The following MTMR10 variants were observed in gnomAD, a reference collection of about 807,000 sequenced individuals.
MTMR10 encodes myotubularin-related protein 10.
Under a neutral mutation model 88.1 loss-of-function variants are expected in MTMR10, and 56 were observed. The ratio of observed to expected loss-of-function variants is 0.64; its 90% CI spans 0.51 to 0.79. The LOEUF is 0.79. Ranked by LOEUF, MTMR10 falls within the 30% of genes least tolerant of loss-of-function variation. The pLI, the probability that MTMR10 is intolerant of heterozygous loss-of-function variation, is 0.00. For synonymous variants in MTMR10, 380 were observed against 340.9 expected (o/e 1.11, Z -1.26); for missense variants, 883 against 924.7 (o/e 0.95, Z 0.58).
In MTMR10 at chr15:30,941,647, G is replaced by A. The variant is rs747017109; in HGVS notation, c.2157C>T (p.Asn719=). The change falls in exon 16 of 16, where the codon AAC becomes AAT. Residue 719 remains asparagine, a synonymous_variant. Coordinates refer to ENST00000435680, the MANE Select transcript of MTMR10 (RefSeq NM_017762.3). ...GELGQSRMYF[N]ASGPHHTDTS... ...TGTCGGTGTGGTGAGGGCCGCTGGC[G>A]TTGAAGTACATCCTGCTCTGGCCCA... 93 of 1,611,292 alleles carry A rather than the reference G, an allele frequency of 5.8e-5. 1 individual carries two copies. The East Asian group carries it at 6.0e-4, about 10-fold the overall frequency.
the MTMR10 span, among the ~76,000 whole-genome samples, chr15:30,925,604 C>G: frequency 2.6e-5 from 4 of 152,358 alleles, no homozygotes; most frequent in Admixed American, 2.6e-4. Flanking sequence ...GGTTGAGGCT[C>G]TCCCAGGGCC....
chr15:30,991,486 G>A lies in MTMR10; in HGVS notation c.21C>T (p.Pro7=). Reference sequence around the variant, plus strand: ...GGAGGTAGGACCTGAAGGTGGGTTTGGGCGGCTTGAGGGAGAACATGGTGC... The same window carrying A: ...GGAGGTAGGACCTGAAGGTGGGTTTAGGCGGCTTGAGGGAGAACATGGTGC... MFSLKP[P]KPTFRSYLLP... Residue 7 remains proline, a synonymous_variant, in exon 1 of 16, where the codon CCC becomes CCT. Coordinates refer to ENST00000435680, the MANE Select transcript of MTMR10 (RefSeq NM_017762.3). 6 of 1,519,068 alleles carry A rather than the reference G, an allele frequency of 3.9e-6. No homozygotes were observed. The highest frequency in any genetic ancestry group is 5.3e-6 in the Non-Finnish European group (6 of 1,142,500). The allele number at this position is 1,519,068 out of a possible 1,614,324, so 94.1% of individuals were successfully genotyped here.
chr15:30,960,781 T>G (rs771486986), intron 7 of MTMR10, 100 bp downstream of exon 7: 238 of 1,304,570 alleles, frequency 1.8e-4, no homozygotes, highest in Non-Finnish European at 2.2e-4. Flanking sequence ...AAATATTCCA[T>G]TAACCACAAC....
intron 13 of MTMR10, among the ~76,000 whole-genome samples, chr15:30,947,761 T>C (rs995258957): frequency 6.6e-6 from 1 of 152,192 alleles, no homozygotes; most frequent in Non-Finnish European, 1.5e-5. Flanking sequence ...CCAAGTGCAG[T>C]AGCGGGTGAC....
intron 2 of MTMR10, among the ~76,000 whole-genome samples, chr15:30,977,808 C>G (rs2030270917): frequency 6.6e-6 from 1 of 152,218 alleles, no homozygotes; most frequent in East Asian, 1.9e-4. Context: ...AGTCTCAAAA[C>G]AATCCTCTCT....
chr15:30,928,879 T>C, the MTMR10 span: 1 of 770,772 alleles, frequency 1.3e-6, no homozygotes, highest in Middle Eastern at 6.5e-4. Context: ...ACCTTACATT[T>C]AGACCTTTCG....
chr15:30,990,943 A>G, intron 1 of MTMR10, 106 bp from the exon 2 acceptor site: 1 of 881,004 alleles, frequency 1.1e-6, no homozygotes, highest in Non-Finnish European at 1.7e-6. Flanking sequence ...AAAGACACAC[A>G]GCCCCCCATT....
At chr15:30,988,701 A>T (rs2031108584) in intron 2 of MTMR10, among the ~76,000 whole-genome samples, 1 of 152,214 alleles carries the variant, frequency 6.6e-6, no homozygotes, top group Admixed American at 6.5e-5. Flanking sequence ...CTAATTTTAA[A>T]AAAGTGGCCA....
At position 30,991,616 on chromosome 15, in the gene MTMR10, A is replaced by G; in HGVS notation, c.-110T>C. ...CCCAGGCCCTTTCTGCGGCCAGCCG[A>G]GCCGGGCGGACTGACGGGCGGGGAT... On this transcript the variant is annotated 5_prime_UTR_variant, in exon 1 of 16. Coordinates refer to ENST00000435680, the MANE Select transcript of MTMR10 (RefSeq NM_017762.3). 2.3e-6 allele frequency: 3 copies of G among 1,331,504 alleles called. No individual in the cohort carries two copies. The highest frequency in any genetic ancestry group is 3.0e-6 in the Non-Finnish European group (3 of 1,012,134). The allele number at this position is 1,331,504 out of a possible 1,614,324, so 82.5% of individuals were successfully genotyped here.
chr15:30,948,125 G>A (rs943969551), intron 13 of MTMR10, among the ~76,000 whole-genome samples, 177 bp downstream of exon 13: 12 of 152,052 alleles, frequency 7.9e-5, no homozygotes, highest in East Asian at 1.9e-4. Flanking sequence ...TCATAGTTAC[G>A]ATAATCTTTA....
intron 2 of MTMR10, among the ~76,000 whole-genome samples, chr15:30,989,945 A>C (rs1328283974): frequency 6.6e-6 from 1 of 152,194 alleles, no homozygotes; most frequent in Non-Finnish European, 1.5e-5. Context: ...TAATCGCATT[A>C]AACAACTGAC....
chr15:30,953,440 TA>T (rs2063278682), intron 11 of MTMR10, 121 bp downstream of exon 11: 2 of 705,980 alleles, frequency 2.8e-6, no homozygotes, highest in Non-Finnish European at 4.8e-6. Context: ...GAGATGTTAC[TA>T]TTGGGGGAAG....
At chr15:30,928,719 C>A in the MTMR10 span, 2 of 1,608,044 alleles carry the variant, frequency 1.2e-6, no homozygotes, top group Non-Finnish European at 1.7e-6. Flanking sequence ...TCACGCCCAC[C>A]TGGGCACCGT....
rs928282529 is a variant in MTMR10 at position 30,941,158 on chromosome 15, T to TATCA, written c.*308_*311dup. Reference sequence around the variant, plus strand: ...GCCTGGGGCTGCTAATGTGACTGACTATCAGATAGCCTTCAGGAGGTGGTA... The same window carrying TATCA: ...GCCTGGGGCTGCTAATGTGACTGACTATCAATCAGATAGCCTTCAGGAGGTGGTA... On this transcript the variant is annotated 3_prime_UTR_variant, in exon 16 of 16. Transcript: ENST00000435680. The TATCA allele has an allele frequency of 8.2e-7, 1 of 1,219,816 alleles. No individual in the cohort carries two copies. Among genetic ancestry groups the TATCA allele is most frequent in the African/African-American group, 1.6e-5 (1 of 63,854 alleles). 75.6% of individuals were successfully genotyped at this position (1,219,816 alleles called of 1,614,324 possible). A position where few individuals can be genotyped will look rare whatever the true frequency, so the allele number is the denominator to read the frequency against.
chr15:30,976,674 T>G (rs1197905955), intron 3 of MTMR10, 145 bp downstream of exon 3: 10 of 981,916 alleles, frequency 1.0e-5, no homozygotes, highest in African/African-American at 1.7e-5. Context: ...TAAACTTTAC[T>G]TTAAATCTTA....
At position 30,939,781 on chromosome 15, in the gene MTMR10, G is replaced by A. The variant is rs146708886; in HGVS notation, c.*1689C>T. On this transcript the variant is annotated 3_prime_UTR_variant, in exon 16 of 16. Coordinates refer to ENST00000435680, the MANE Select transcript of MTMR10 (RefSeq NM_017762.3). ...GATTACACTGTCAATGGCAGGATAC[G>A]CTGTGGTGTTATAAGGAGATTGGGT... is the stretch of plus-strand genomic sequence containing the variant. 66 of 985,138 alleles carry A rather than the reference G, an allele frequency of 6.7e-5. No homozygotes were observed. The East Asian group carries it at 1.9e-3, about 29-fold the overall frequency. The allele number at this position is 985,138 out of a possible 1,614,324, so 61.0% of individuals were successfully genotyped here.
At chr15:30,965,781 G>A (rs1275845065) in intron 6 of MTMR10, 1 of 300,450 alleles carries the variant, frequency 3.3e-6, no homozygotes, top group Non-Finnish European at 6.6e-6. Flanking sequence ...AAACCTGAGT[G>A]ACTAAGGCCA....
intron 9 of MTMR10, among the ~76,000 whole-genome samples, chr15:30,956,676 C>CA (rs2063332338): frequency 6.6e-6 from 1 of 151,636 alleles, no homozygotes; most frequent in Non-Finnish European, 1.5e-5. Context: ...CGAGGTTGGA[C>CA]AAAAAAGAGG....
chr15:30,929,143 C>A, the MTMR10 span: 2 of 1,484,686 alleles, frequency 1.3e-6, no homozygotes, highest in East Asian at 2.4e-5. Context: ...CTGACTAGTC[C>A]TCTGGTGAAC....
Sources: allele counts gnomAD v4.1 joint callset (sites outside exome capture counted in the v4.1 genomes callset), GRCh38; gene constraint gnomAD v4.1.1; transcripts MANE v1.5; gene names NCBI Gene and HGNC (gene_info 2026-07-23, HGNC 2026-07-21).